SGMS2: variants seen among roughly 807,000 people sequenced by gnomAD.
The protein encoded by SGMS2 is sphingomyelin synthase 2.
A neutral mutation model predicts 43.8 loss-of-function variants in SGMS2; 21 were observed. The ratio of observed to expected loss-of-function variants is 0.48; its 90% CI spans 0.34 to 0.69. SGMS2 has a LOEUF of 0.69. Among genes scored for constraint, SGMS2 ranks in the 30% least tolerant of loss-of-function variants. The probability of loss-of-function intolerance (pLI) is 0.01; values close to 1 mark genes in which losing one functional copy is unlikely to be tolerated. For synonymous variants in SGMS2, 167 were observed against 160.6 expected (o/e 1.04, Z -0.30); for missense variants, 384 against 443.2 (o/e 0.87, Z 1.20).
chr4:107,865,823 T>G (rs777142309), intron 2 of SGMS2, among the ~76,000 whole-genome samples: 6 of 152,218 alleles, frequency 3.9e-5, no homozygotes, highest in Non-Finnish European at 7.3e-5. Context: ...AGTCTCCTCT[T>G]GTTCCATTCA....
chr4:107,878,001 C>T (rs571008633), intron 2 of SGMS2, among the ~76,000 whole-genome samples: 6 of 150,772 alleles, frequency 4.0e-5, no homozygotes, highest in African/African-American at 1.2e-4. Flanking sequence ...CTGCAACCTC[C>T]ACCTCCCGGG....
rs1296036096 is a variant in SGMS2, at chr4:107,906,199, T to TA, written c.728-2366_728-2365insA. ...ATTAGATGTATCATTTATATATATA[T>TA]TTTTTTACTTTCCCGCCTTTTGATC... On this transcript the variant is annotated intron_variant, in intron 5 of 6. Coordinates refer to ENST00000690982, the MANE Select transcript of SGMS2 (RefSeq NM_001375905.1). 6.6e-5 allele frequency among the ~76,000 whole-genome samples: 10 copies of TA among 152,272 alleles called. No homozygotes were observed. The South Asian group carries it at 1.5e-3, about 22-fold the overall frequency.
chr4:107,834,137 C>T (rs967578978), intron 1 of SGMS2, among the ~76,000 whole-genome samples: 1 of 152,196 alleles, frequency 6.6e-6, no homozygotes, highest in African/African-American at 2.4e-5. Flanking sequence ...GAAACAAATA[C>T]AGAGCAATCT....
At chr4:107,879,187 G>T (rs1729153029) in intron 2 of SGMS2, among the ~76,000 whole-genome samples, 1 of 144,156 alleles carries the variant, frequency 6.9e-6, no homozygotes, top group African/African-American at 2.6e-5. Flanking sequence ...GATGAATTTT[G>T]CTAGAAAATC....
At chr4:107,905,421 G>A (rs1335810980) in intron 5 of SGMS2, among the ~76,000 whole-genome samples, 1 of 152,168 alleles carries the variant, frequency 6.6e-6, no homozygotes, top group African/African-American at 2.4e-5. Flanking sequence ...TTCAAGATGA[G>A]ATTTGGGTGG....
At chr4:107,867,865 C>G (rs1204318786) in intron 2 of SGMS2, 1 of 152,132 alleles carries the variant, frequency 6.6e-6, no homozygotes, top group Non-Finnish European at 1.5e-5. Flanking sequence ...CCATGCTAAT[C>G]TCTGCGTCAT....
chr4:107,906,392 C>A (rs1731578308), intron 5 of SGMS2, among the ~76,000 whole-genome samples: 1 of 152,124 alleles, frequency 6.6e-6, no homozygotes, highest in Non-Finnish European at 1.5e-5. Context: ...TAAAATTAGC[C>A]TGGAGAAATC....
intron 2 of SGMS2, among the ~76,000 whole-genome samples, chr4:107,882,255 C>T (rs111517311): frequency 3.9e-5 from 6 of 152,230 alleles, no homozygotes; most frequent in Non-Finnish European, 8.8e-5. Context: ...CCCATCTCCA[C>T]ATCCTCACCA....
intron 1 of SGMS2, among the ~76,000 whole-genome samples, chr4:107,846,355 A>G (rs950777630): frequency 6.2e-5 from 9 of 146,294 alleles, no homozygotes; most frequent in African/African-American, 2.3e-4. Context: ...GAGTGAGAAC[A>G]TGTGGTATTT....
intron 5 of SGMS2, among the ~76,000 whole-genome samples, chr4:107,904,545 T>A (rs1485622046): frequency 6.6e-6 from 1 of 152,208 alleles, no homozygotes; most frequent in Non-Finnish European, 1.5e-5. Context: ...AAGTCAAGTC[T>A]TTTTTGTGAG....
chr4:107,882,286 T>G (rs1578601960), intron 2 of SGMS2, among the ~76,000 whole-genome samples: 1 of 152,218 alleles, frequency 6.6e-6, no homozygotes, highest in African/African-American at 2.4e-5. Flanking sequence ...TTGCCTATCT[T>G]TTGGATAGAA....
chr4:107,908,425 A>G, intron 5 of SGMS2, 140 bp from the exon 6 acceptor site: 2 of 823,410 alleles, frequency 2.4e-6, no homozygotes, highest in South Asian at 3.5e-5. Context: ...GTTCATAGTG[A>G]CTCAGTTTAG....
In SGMS2 at chr4:107,912,679, T is replaced by C. The variant is rs928195889; in HGVS notation, c.*2126T>C. 5 of 152,168 alleles carry C rather than the reference T, an allele frequency of 3.3e-5. No homozygotes were observed. Among genetic ancestry groups the C allele is most frequent in the Non-Finnish European group, 7.4e-5 (5 of 68,024 alleles). The allele number at this position is 152,168 out of a possible 1,614,324, so 9.4% of individuals were successfully genotyped here. ...TTTTCATCTATTGAATAAGAAAAAG[T>C]GTTTAAACTTAATAAAATAAAAAAT... On this transcript the variant is annotated 3_prime_UTR_variant, in exon 7 of 7. Transcript: ENST00000690982.
intron 2 of SGMS2, among the ~76,000 whole-genome samples, chr4:107,869,100 C>A (rs1371193355): frequency 6.6e-6 from 1 of 152,090 alleles, no homozygotes; most frequent in Non-Finnish European, 1.5e-5. Context: ...TCTTAAGAAG[C>A]AGAAAGTTAT....
At chr4:107,856,328 T>G (rs1578538517) in intron 1 of SGMS2, among the ~76,000 whole-genome samples, 2 of 152,132 alleles carry the variant, frequency 1.3e-5, no homozygotes, top group Admixed American at 1.3e-4. Flanking sequence ...GATTTTGGAG[T>G]AGTAAGCTTG....
intron 1 of SGMS2, among the ~76,000 whole-genome samples, chr4:107,856,669 T>C (rs1468169218): frequency 1.3e-5 from 2 of 152,164 alleles, no homozygotes; most frequent in Admixed American, 6.5e-5. Context: ...TAAGGTGATC[T>C]TTCCAGAGGG....
At chr4:107,860,607 C>T (rs976348240) in intron 2 of SGMS2, among the ~76,000 whole-genome samples, 3 of 151,376 alleles carry the variant, frequency 2.0e-5, no homozygotes, top group Non-Finnish European at 4.4e-5. Context: ...TCACTGCAAT[C>T]TCCACCTCCT....
At chr4:107,878,421 G>A (rs1729092169) in intron 2 of SGMS2, among the ~76,000 whole-genome samples, 1 of 152,114 alleles carries the variant, frequency 6.6e-6, no homozygotes, top group South Asian at 2.1e-4. Flanking sequence ...TTAACTTTGA[G>A]AACCTCTCAT....
intron 2 of SGMS2, among the ~76,000 whole-genome samples, chr4:107,859,065 G>C (rs550125637): frequency 7.9e-5 from 12 of 152,322 alleles, no homozygotes; most frequent in African/African-American, 1.2e-4. Context: ...CACTGAGGAA[G>C]AAGAGGTTTT....
Sources: gnomAD v4.1 joint callset for allele counts (sites outside exome capture counted in the v4.1 genomes callset) on GRCh38, gnomAD v4.1.1 for gene constraint, MANE v1.5 for transcripts, NCBI Gene and HGNC (gene_info 2026-07-23, HGNC 2026-07-21) for gene names.